PAX2: variants seen among roughly 807,000 people sequenced by gnomAD.
PAX2 encodes paired box 2.
In PAX2, 9 loss-of-function variants were observed where a neutral mutation model predicts 41.7. That is an observed-to-expected ratio of 0.22 (90% confidence interval 0.13 to 0.38). The LOEUF (loss-of-function observed/expected upper bound fraction) is 0.38, where lower values mean the gene tolerates loss of function less well. Among genes scored for constraint, PAX2 ranks in the 10% least tolerant of loss-of-function variants. The pLI, the probability that PAX2 is intolerant of heterozygous loss-of-function variation, is 1.00. For missense variants in PAX2, 418 were observed against 531.6 expected (o/e 0.79, Z 2.10); for synonymous variants, 221 against 212.7 (o/e 1.04, Z -0.34).
upstream of PAX2, among the ~76,000 whole-genome samples, chr10:100,745,304 C>T (rs997364189): frequency 6.6e-6 from 1 of 152,172 alleles, no homozygotes; most frequent in Non-Finnish European, 1.5e-5. Flanking sequence ...TTCCCCCTCC[C>T]CCGGTCCGCT....
At chr10:100,805,849 C>T (rs1847762779) in intron 5 of PAX2, among the ~76,000 whole-genome samples, 1 of 152,186 alleles carries the variant, frequency 6.6e-6, no homozygotes, top group African/African-American at 2.4e-5. Context: ...CCTCTGGCCT[C>T]AGTCCTGGCC....
intron 7 of PAX2, among the ~76,000 whole-genome samples, chr10:100,814,050 C>T (rs182355782): frequency 3.0e-4 from 46 of 152,178 alleles, no homozygotes; most frequent in African/African-American, 1.1e-3. Context: ...GTTTAATATT[C>T]TAAAAAAGAT....
At chr10:100,816,006 A>C (rs1273610363) in intron 7 of PAX2, among the ~76,000 whole-genome samples, 1 of 152,152 alleles carries the variant, frequency 6.6e-6, no homozygotes, top group Non-Finnish European at 1.5e-5. Flanking sequence ...CTGAGCTCAA[A>C]TTTGGCCCTT....
chr10:100,826,957 G>A lies in PAX2; in HGVS notation c.1022-52G>A, dbSNP rs1245253097. 1.6e-6 allele frequency: 2 copies of A among 1,275,658 alleles called. No individual in the cohort carries two copies. The highest frequency in any genetic ancestry group is 2.3e-6 in the Non-Finnish European group (2 of 875,622). 79.0% of individuals were successfully genotyped at this position (1,275,658 alleles called of 1,614,324 possible). A position where few individuals can be genotyped will look rare whatever the true frequency, so the allele number is the denominator to read the frequency against. ...GAGAAGCCACCGGCCGGACTCGTGG[G>A]GTCCGCCCTGGCTTGCAGGCGTCTG... On this transcript the variant is annotated intron_variant, in intron 8 of 9. Transcript: ENST00000355243. This position sits in a 1 kb window ranked among gnomAD's most constrained non-coding sequence, Gnocchi z 5.5.
chr10:100,782,466 G>A (rs1218186266), intron 5 of PAX2, among the ~76,000 whole-genome samples: 2 of 152,242 alleles, frequency 1.3e-5, no homozygotes, highest in Non-Finnish European at 2.9e-5. Context: ...GGAGTGAGGA[G>A]CAGAGAAAAG....
intron 5 of PAX2, among the ~76,000 whole-genome samples, chr10:100,782,375 T>A (rs1589849539): frequency 6.6e-6 from 1 of 152,236 alleles, no homozygotes; most frequent in Non-Finnish European, 1.5e-5. Flanking sequence ...ATCTCCCTTT[T>A]CTCTCAAAAA....
chr10:100,751,876 C>T (rs1845456422), intron 3 of PAX2, among the ~76,000 whole-genome samples: 1 of 152,150 alleles, frequency 6.6e-6, no homozygotes, highest in South Asian at 2.1e-4. Flanking sequence ...CCTTGGCCCC[C>T]CATTTTGAGA....
rs1847099429 is a variant in PAX2 at position 100,791,114 on chromosome 10, C to T, written c.616+9749C>T. 6.6e-6 allele frequency among the ~76,000 whole-genome samples: 1 copy of T among 152,208 alleles called. No individual in the cohort carries two copies. The highest frequency in any genetic ancestry group is 1.5e-5 in the Non-Finnish European group (1 of 68,032). On this transcript the variant is annotated intron_variant, in intron 5 of 9. Coordinates refer to ENST00000355243, the MANE Select transcript of PAX2 (RefSeq NM_000278.5). The surrounding 1 kb of genome is among the most constrained non-coding windows in gnomAD (Gnocchi z 4.5). ...CTGTGGCCCATCCTCCAGGTGGCTCCTAATTTGGCTGCCCCCATGAAATGT... is the reference window on the plus strand; with the variant it reads ...CTGTGGCCCATCCTCCAGGTGGCTCTTAATTTGGCTGCCCCCATGAAATGT...
At chr10:100,773,059 C>T (rs903991096) in intron 3 of PAX2, among the ~76,000 whole-genome samples, 3 of 152,180 alleles carry the variant, frequency 2.0e-5, no homozygotes, top group African/African-American at 7.2e-5. Context: ...TGTCTCTCCC[C>T]TGGAGGCAGT....
In PAX2 at chr10:100,748,670, T is replaced by C; in HGVS notation, c.44-1076T>C. The C allele has an allele frequency of 1.0e-6, 1 of 985,420 alleles. No individual in the cohort carries two copies. Among genetic ancestry groups the C allele is most frequent in the South Asian group, 4.7e-5 (1 of 21,286 alleles). 61.0% of individuals were successfully genotyped at this position (985,420 alleles called of 1,614,324 possible). On this transcript the variant is annotated intron_variant, in intron 1 of 9. Transcript: ENST00000355243. This position sits in a 1 kb window ranked among gnomAD's most constrained non-coding sequence, Gnocchi z 5.0. ...GGGGCACAGGAAGCACCCTCAGGCC[T>C]GGCACCCAGTGGCCGCCTCGGTTCC...
At position 100,791,031 on chromosome 10, in the gene PAX2, C is replaced by T. The variant is rs1156539285; in HGVS notation, c.616+9666C>T. Among the ~76,000 whole-genome samples, 4 of 152,220 alleles carry T rather than the reference C, an allele frequency of 2.6e-5. No homozygotes were observed. Among genetic ancestry groups the T allele is most frequent in the Non-Finnish European group, 5.9e-5 (4 of 68,038 alleles). ...CTTGACAGCACTAGACAACAGAGGC[C>T]TCACAAACCTCAACCTGCACGGAGG... On this transcript the variant is annotated intron_variant, in intron 5 of 9. Coordinates refer to ENST00000355243, the MANE Select transcript of PAX2 (RefSeq NM_000278.5). The surrounding 1 kb of genome is among the most constrained non-coding windows in gnomAD (Gnocchi z 4.5).
At chr10:100,790,578 C>T (rs1847070876) in intron 5 of PAX2, among the ~76,000 whole-genome samples, 2 of 152,236 alleles carry the variant, frequency 1.3e-5, no homozygotes, top group African/African-American at 4.8e-5. Context: ...ATCCCCGGGC[C>T]CTGCTACTCC....
chr10:100,806,728 T>C (rs1847797210), intron 6 of PAX2, 123 bp downstream of exon 6: 1 of 859,770 alleles, frequency 1.2e-6, no homozygotes, highest in East Asian at 2.4e-5. Flanking sequence ...ACGTGTGTTC[T>C]GTGTGTGTGC....
Position 100,736,303 on chromosome 10 carries a change from A to C in PAX2, c.25+570A>C, listed in dbSNP as rs144459734. 8.9e-3 allele frequency among the ~76,000 whole-genome samples: 1,361 copies of C among 152,218 alleles called. 2 individuals are homozygous for C. Among genetic ancestry groups the C allele is most frequent in the Non-Finnish European group, 0.016 (1,080 of 67,996 alleles). ...CCCCAGGGGACCCAGTGGGGAGAGG[A>C]ATCTGAAAATGTTTACCCAAAGGGC... On this transcript the variant is annotated intron_variant, in intron 1 of 9. Transcript: ENST00000679374.
intron 7 of PAX2, among the ~76,000 whole-genome samples, chr10:100,823,371 G>A (rs1040803274): frequency 6.6e-6 from 1 of 152,190 alleles, no homozygotes; most frequent in East Asian, 1.9e-4. Context: ...TCACTCAGAC[G>A]TGTCAAGGTA....
chr10:100,815,228 G>C (rs1367606374), intron 7 of PAX2, among the ~76,000 whole-genome samples: 1 of 152,200 alleles, frequency 6.6e-6, no homozygotes, highest in African/African-American at 2.4e-5. Flanking sequence ...AGCCCCCGGG[G>C]GAGGAGAGGG....
rs976241658 is a variant in PAX2 at position 100,746,103 on chromosome 10, A to T, written c.-158A>T. 3.0e-5 allele frequency: 47 copies of T among 1,543,992 alleles called. No individual in the cohort carries two copies. Among genetic ancestry groups the T allele is most frequent in the Non-Finnish European group, 4.0e-5 (46 of 1,150,732 alleles). On this transcript the variant is annotated 5_prime_UTR_variant, in exon 1 of 10. Transcript: ENST00000355243. Reference sequence around the variant, plus strand: ...CCGGAGGAGCCCCAGCGGGGAGCGCAGTGCTGCGCCCCCCGCCCCCGCGCG... The same window carrying T: ...CCGGAGGAGCCCCAGCGGGGAGCGCTGTGCTGCGCCCCCCGCCCCCGCGCG...
intron 3 of PAX2, among the ~76,000 whole-genome samples, chr10:100,769,851 G>A (rs1409915918): frequency 6.6e-6 from 1 of 152,130 alleles, no homozygotes; most frequent in East Asian, 1.9e-4. Context: ...GCTTGGAGGG[G>A]TGGACTCTAT....
chr10:100,776,052 C>T (rs1846375146), intron 3 of PAX2, among the ~76,000 whole-genome samples: 1 of 152,176 alleles, frequency 6.6e-6, no homozygotes, highest in Admixed American at 6.5e-5. Flanking sequence ...ATCCACAGTC[C>T]CTTAGGCAAC....
Sources: gnomAD v4.1 joint callset for allele counts (sites outside exome capture counted in the v4.1 genomes callset) on GRCh38, gnomAD v4.1.1 for gene constraint, Gnocchi (gnomAD v3.1) non-coding constraint, MANE v1.5 for transcripts, NCBI Gene and HGNC (gene_info 2026-07-23, HGNC 2026-07-21) for gene names.